The following GSE1 variants were observed in gnomAD, a reference collection of about 807,000 sequenced individuals.
GSE1 encodes Gse1 coiled-coil protein, also known as genetic suppressor element 1.
In GSE1, 32 loss-of-function variants were observed where a neutral mutation model predicts 112.6. That is an observed-to-expected ratio of 0.28 (90% CI 0.21 to 0.38). The LOEUF is 0.38. Ranked by LOEUF, GSE1 falls within the 10% of genes least tolerant of loss-of-function variation. The probability of loss-of-function intolerance (pLI) is 1.00; values close to 1 mark genes in which losing one functional copy is unlikely to be tolerated. For missense variants in GSE1, 2,348 were observed against 1,699.2 expected (o/e 1.38, Z -6.71); for synonymous variants, 1,115 against 735.6 (o/e 1.52, Z -8.35).
chr16:85,323,934 T>C (rs981765977), intron 1 of GSE1, among the ~76,000 whole-genome samples: 1 of 152,214 alleles, frequency 6.6e-6, no homozygotes, highest in Non-Finnish European at 1.5e-5. Flanking sequence ...GAATCTGCCT[T>C]GAGCCCAGGA....
At chr16:85,635,596 G>T (rs2049929654) in intron 2 of GSE1, among the ~76,000 whole-genome samples, 1 of 152,206 alleles carries the variant, frequency 6.6e-6, no homozygotes. Context: ...GAGAGGGGTG[G>T]AGAGAAGCGA....
intron 3 of GSE1, among the ~76,000 whole-genome samples, chr16:85,652,178 G>A (rs767913310): frequency 2.0e-5 from 3 of 152,224 alleles, no homozygotes; most frequent in Admixed American, 6.5e-5. Context: ...CCGCATGCCC[G>A]TTCATAGCCG....
intron 1 of GSE1, among the ~76,000 whole-genome samples, chr16:85,277,789 C>G (rs144280204): frequency 1.9e-3 from 284 of 152,350 alleles, no homozygotes; most frequent in African/African-American, 6.5e-3. Context: ...CGAGCTGTGT[C>G]TGGGCCAGCC....
intron 1 of GSE1, among the ~76,000 whole-genome samples, chr16:85,338,704 T>A (rs538334350): frequency 8.5e-5 from 13 of 152,332 alleles, no homozygotes; most frequent in African/African-American, 3.1e-4. Flanking sequence ...AGTCACTTTT[T>A]TCCCCCTGTG....
At chr16:85,344,197 C>CG (rs1021606757) in intron 1 of GSE1, among the ~76,000 whole-genome samples, 12 of 152,010 alleles carry the variant, frequency 7.9e-5, no homozygotes, top group African/African-American at 2.9e-4. Context: ...CCCTGCCCGG[C>CG]GGGGGAGCTA....
chr16:85,518,703 G>C (rs933618030), intron 2 of GSE1, among the ~76,000 whole-genome samples: 1 of 152,112 alleles, frequency 6.6e-6, no homozygotes, highest in African/African-American at 2.4e-5. Context: ...GGATGGCCTT[G>C]TTTTAAATCA....
intron 1 of GSE1, among the ~76,000 whole-genome samples, chr16:85,254,222 A>G (rs1367785509): frequency 6.6e-6 from 1 of 152,166 alleles, no homozygotes; most frequent in Non-Finnish European, 1.5e-5. Flanking sequence ...CTGGGGTCAC[A>G]CAGCCCGTTG....
intron 1 of GSE1, among the ~76,000 whole-genome samples, chr16:85,565,308 C>T (rs991144698): frequency 6.6e-6 from 1 of 151,612 alleles, no homozygotes; most frequent in Non-Finnish European, 1.5e-5. Context: ...AGGAGAATCA[C>T]TTGAACCTGG....
chr16:85,277,485 G>A (rs931934952), intron 1 of GSE1, among the ~76,000 whole-genome samples: 6 of 152,120 alleles, frequency 3.9e-5, no homozygotes, highest in African/African-American at 1.4e-4. Flanking sequence ...CTGCTCAGAT[G>A]TGTATGCGAG....
intron 1 of GSE1, among the ~76,000 whole-genome samples, chr16:85,174,797 T>C (rs1436035148): frequency 6.6e-6 from 1 of 152,116 alleles, no homozygotes; most frequent in Non-Finnish European, 1.5e-5. Context: ...GAGCTGGGGC[T>C]CCGGGCAGGG....
At chr16:85,288,740 G>T (rs2045116848) in intron 1 of GSE1, among the ~76,000 whole-genome samples, 1 of 152,188 alleles carries the variant, frequency 6.6e-6, no homozygotes, top group Admixed American at 6.5e-5. Flanking sequence ...CGGCATTTGT[G>T]CTGGGTCATT....
chr16:85,504,767 C>T (rs958735358), intron 2 of GSE1, among the ~76,000 whole-genome samples: 1 of 152,190 alleles, frequency 6.6e-6, no homozygotes, highest in African/African-American at 2.4e-5. Flanking sequence ...CTTAACCCAT[C>T]TGGGAATTTT....
chr16:85,656,406 T>TGAGGCTGACCGCGAGCGG lies in GSE1; in HGVS notation c.1057_1074dup (p.Ala353_Glu358dup). On this transcript the variant is annotated inframe_insertion, in exon 7 of 16. Coordinates refer to ENST00000253458, the MANE Select transcript of GSE1 (RefSeq NM_014615.5). Reference sequence around the variant, plus strand: ...GCGAGCGCGAGCGCGAGCGTGAGCGTGAGGCTGACCGCGAGCGGGAGAAGG... The same window carrying TGAGGCTGACCGCGAGCGG: ...GCGAGCGCGAGCGCGAGCGTGAGCGTGAGGCTGACCGCGAGCGGGAGGCTGACCGCGAGCGGGAGAAGG... 2 of 1,569,670 alleles carry TGAGGCTGACCGCGAGCGG rather than the reference T, an allele frequency of 1.3e-6. No individual in the cohort carries two copies. Among genetic ancestry groups the TGAGGCTGACCGCGAGCGG allele is most frequent in the East Asian group, 2.3e-5 (1 of 42,752 alleles).
chr16:85,253,328 G>T (rs1475314209), intron 1 of GSE1, among the ~76,000 whole-genome samples: 1 of 152,128 alleles, frequency 6.6e-6, no homozygotes, highest in Non-Finnish European at 1.5e-5. Context: ...GGCCTCCTGG[G>T]TGGTGGGGCA....
At chr16:85,422,403 GGGATGTC>G (rs1324722736) in intron 2 of GSE1, among the ~76,000 whole-genome samples, 30 of 152,272 alleles carry the variant, frequency 2.0e-4, no homozygotes, top group African/African-American at 7.2e-4. Flanking sequence ...CACTAAATGA[GGGATGTC>G]GGTTCCTCCC....
intron 1 of GSE1, among the ~76,000 whole-genome samples, chr16:85,301,187 G>C (rs1336500727): frequency 1.3e-5 from 2 of 152,234 alleles, no homozygotes; most frequent in African/African-American, 4.8e-5. Context: ...GCCCACTGCA[G>C]GCATGTTTAT....
chr16:85,625,398 C>T (rs1003900191), intron 1 of GSE1, among the ~76,000 whole-genome samples: 1 of 152,214 alleles, frequency 6.6e-6, no homozygotes, highest in African/African-American at 2.4e-5. Context: ...CCGCGGGTCC[C>T]CAGAATGCAA....
chr16:85,394,648 G>A (rs900546611), intron 2 of GSE1, among the ~76,000 whole-genome samples: 1 of 152,184 alleles, frequency 6.6e-6, no homozygotes, highest in Non-Finnish European at 1.5e-5. Flanking sequence ...CCAGGAGCCA[G>A]GTGTGTGGGC....
chr16:85,542,140 G>C (rs1451409219), intron 2 of GSE1, among the ~76,000 whole-genome samples: 1 of 152,190 alleles, frequency 6.6e-6, no homozygotes, highest in Non-Finnish European at 1.5e-5. Flanking sequence ...CGCTCTGCGT[G>C]TGATTGTGTG....
Sources: gnomAD v4.1 joint callset for allele counts (sites outside exome capture counted in the v4.1 genomes callset) on GRCh38, gnomAD v4.1.1 for gene constraint, MANE v1.5 for transcripts, NCBI Gene and HGNC (gene_info 2026-07-23, HGNC 2026-07-21) for gene names.